Variants in DAB1 observed in about 807,000 individuals in gnomAD.
The protein encoded by DAB1 is DAB adaptor protein 1.
DAB1 carries 15 observed loss-of-function variants against 64.6 expected under a neutral mutation model. The observed-to-expected ratio is 0.23, with a 90% confidence interval of 0.16 to 0.36. DAB1 has a LOEUF of 0.36. Ranked by LOEUF, DAB1 falls within the 10% of genes least tolerant of loss-of-function variation. The pLI is 1.00. For missense variants in DAB1, 596 were observed against 706.7 expected (o/e 0.84, Z 1.78); for synonymous variants, 235 against 251.9 (o/e 0.93, Z 0.64).
intron 4 of DAB1, among the ~76,000 whole-genome samples, chr1:58,317,279 C>T (rs370423886): frequency 6.6e-6 from 1 of 152,256 alleles, no homozygotes; most frequent in South Asian, 2.1e-4. Context: ...ATAATGCCCA[C>T]ATGGCAGGCA....
At chr1:57,625,112 A>G (rs1025959974) in intron 7 of DAB1, among the ~76,000 whole-genome samples, 2 of 152,266 alleles carry the variant, frequency 1.3e-5, no homozygotes, top group Non-Finnish European at 2.9e-5. Context: ...CGAGTTTAAA[A>G]TGTTCCACAA....
intron 1 of DAB1, among the ~76,000 whole-genome samples, chr1:57,332,198 A>G (rs1676728838): frequency 6.6e-6 from 1 of 151,580 alleles, no homozygotes; most frequent in South Asian, 2.1e-4. Context: ...TCCTGACCTC[A>G]AGTAATCTGC....
chr1:58,465,823 T>TG (rs1645290829), intron 3 of DAB1, among the ~76,000 whole-genome samples: 2 of 152,082 alleles, frequency 1.3e-5, no homozygotes, highest in Admixed American at 1.3e-4. Flanking sequence ...ACGAGGAAAC[T>TG]GGGGGGTTCA....
chr1:58,070,165 G>T (rs1649142979), intron 5 of DAB1, among the ~76,000 whole-genome samples: 1 of 152,154 alleles, frequency 6.6e-6, no homozygotes. Flanking sequence ...CTGTGATGCG[G>T]GGAGTGGCAT....
chr1:57,932,691 C>A (rs1557563320), intron 5 of DAB1, among the ~76,000 whole-genome samples: 1 of 152,048 alleles, frequency 6.6e-6, no homozygotes, highest in Admixed American at 6.6e-5. Context: ...TATGTAATGA[C>A]CCACTTTATC....
At chr1:57,153,891 G>A (rs1190214492) in intron 2 of DAB1, among the ~76,000 whole-genome samples, 1 of 151,848 alleles carries the variant, frequency 6.6e-6, no homozygotes, top group East Asian at 1.9e-4. Context: ...CACCTGCCTC[G>A]GCCTTCCAAA....
intron 3 of DAB1, chr1:58,468,926 G>T: frequency 4.1e-6 from 1 of 243,890 alleles, no homozygotes; most frequent in African/African-American, 2.3e-5. Flanking sequence ...ACCCCTCCAT[G>T]GCCGCTACAC....
rs61765330 is a variant in DAB1, at chr1:57,149,461, C to T, written c.68-4032G>A. On this transcript the variant is annotated intron_variant, in intron 2 of 14. Transcript: ENST00000371236. ...AACCCTCCTAGCAAAATATAAGGTT[C>T]CAATTTCTTTACCAGATGTTCTTCC... 7.8e-3 allele frequency among the ~76,000 whole-genome samples: 1,180 copies of T among 152,224 alleles called. 17 individuals carry two copies. The highest frequency in any genetic ancestry group is 0.066 in the East Asian group (342 of 5,164).
At chr1:58,241,078 T>C (rs766057663) in intron 4 of DAB1, among the ~76,000 whole-genome samples, 2 of 152,162 alleles carry the variant, frequency 1.3e-5, no homozygotes, top group African/African-American at 2.4e-5. Context: ...CTCATACATA[T>C]AGGGGCAAAT....
intron 7 of DAB1, among the ~76,000 whole-genome samples, chr1:57,430,534 C>T (rs1395137234): frequency 6.6e-6 from 1 of 152,086 alleles, no homozygotes; most frequent in Non-Finnish European, 1.5e-5. Flanking sequence ...CGCCACCATG[C>T]CTGGCTAATT....
At chr1:57,454,297 A>G (rs1686499107) in intron 7 of DAB1, among the ~76,000 whole-genome samples, 1 of 152,222 alleles carries the variant, frequency 6.6e-6, no homozygotes, top group Admixed American at 6.5e-5. Flanking sequence ...AATATGGTAC[A>G]TATATACCAT....
chr1:58,300,628 G>C (rs865884618), intron 4 of DAB1, among the ~76,000 whole-genome samples: 1,338 of 54,130 alleles, frequency 0.025, 35 homozygotes, highest in Admixed American at 0.046. Context: ...GAGAGAGAGA[G>C]AGAGAGAGAG....
intron 1 of DAB1, among the ~76,000 whole-genome samples, chr1:57,363,234 G>T (rs915354053): frequency 6.6e-6 from 1 of 152,146 alleles, no homozygotes. Context: ...ACTTTTGGGG[G>T]TTACAGACCC....
At chr1:57,457,426 A>G (rs1030526200) in intron 7 of DAB1, among the ~76,000 whole-genome samples, 3 of 152,218 alleles carry the variant, frequency 2.0e-5, no homozygotes, top group African/African-American at 7.2e-5. Context: ...ATAGGCAAAC[A>G]GAATCAATGT....
intron 1 of DAB1, among the ~76,000 whole-genome samples, chr1:57,838,463 A>G (rs1569820025): frequency 6.6e-6 from 1 of 152,284 alleles, no homozygotes; most frequent in East Asian, 1.9e-4. Flanking sequence ...AGAACAGAAA[A>G]AAAAACTGGT....
At chr1:58,238,723 A>G (rs1179246134) in intron 4 of DAB1, among the ~76,000 whole-genome samples, 3 of 152,106 alleles carry the variant, frequency 2.0e-5, no homozygotes, top group Non-Finnish European at 4.4e-5. Flanking sequence ...TCAAAGAAAA[A>G]GGATCCATTT....
At chr1:57,224,056 C>T (rs1318777979) in intron 2 of DAB1, among the ~76,000 whole-genome samples, 3 of 152,174 alleles carry the variant, frequency 2.0e-5, no homozygotes, top group African/African-American at 7.2e-5. Context: ...TAGAACTTTA[C>T]ACTGCTATTG....
intron 5 of DAB1, among the ~76,000 whole-genome samples, chr1:58,145,201 G>C (rs1654519755): frequency 6.6e-6 from 1 of 152,230 alleles, no homozygotes; most frequent in Non-Finnish European, 1.5e-5. Context: ...GTGCCATCCT[G>C]CCGGAGGATG....
chr1:58,135,363 A>G (rs1005985416), intron 5 of DAB1, among the ~76,000 whole-genome samples: 30 of 152,304 alleles, frequency 2.0e-4, no homozygotes, highest in African/African-American at 7.2e-4. Flanking sequence ...ACATGGAATA[A>G]CAAAGGTAAA....
Sources: gnomAD v4.1 joint callset for allele counts (sites outside exome capture counted in the v4.1 genomes callset) on GRCh38, gnomAD v4.1.1 for gene constraint, MANE v1.5 for transcripts, NCBI Gene and HGNC (gene_info 2026-07-23, HGNC 2026-07-21) for gene names.